The following CHCHD6 variants were observed in gnomAD, a reference collection of about 807,000 sequenced individuals.
CHCHD6 encodes coiled-coil-helix-coiled-coil-helix domain containing 6, also known as MICOS complex subunit MIC25.
CHCHD6 carries 28 observed loss-of-function variants against 32.3 expected under a neutral mutation model. The observed-to-expected ratio is 0.87, with a 90% CI of 0.64 to 1.19. The LOEUF is 1.19. Ranked by LOEUF, CHCHD6 falls within the 50% of genes most tolerant of loss-of-function variation. CHCHD6 has a pLI of 0.00. For synonymous variants in CHCHD6, 122 were observed against 117.5 expected (o/e 1.04, Z -0.25); for missense variants, 333 against 307.0 (o/e 1.08, Z -0.63).
At position 126,943,612 on chromosome 3, in the gene CHCHD6, C is replaced by T. The variant is rs998798876; in HGVS notation, c.567-13804C>T. Among the ~76,000 whole-genome samples, 9 of 152,222 alleles carry T rather than the reference C, an allele frequency of 5.9e-5. No homozygotes were observed. The South Asian group carries it at 1.0e-3, about 18-fold the overall frequency. On this transcript the variant is annotated intron_variant, in intron 6 of 7. Transcript: ENST00000290913. ...CCCTTTTTCTGGGTGACATGAGGTA[C>T]GGTGAGAGGTGAGTCCTGGAGGACC...
At chr3:126,750,703 G>A (rs1936687713) in intron 4 of CHCHD6, among the ~76,000 whole-genome samples, 1 of 152,238 alleles carries the variant, frequency 6.6e-6, no homozygotes, top group Non-Finnish European at 1.5e-5. Flanking sequence ...CTGTAAATGA[G>A]CAGACCCACC....
chr3:126,772,741 G>T (rs1247956992), intron 4 of CHCHD6, among the ~76,000 whole-genome samples: 1 of 152,140 alleles, frequency 6.6e-6, no homozygotes, highest in Non-Finnish European at 1.5e-5. Context: ...TTCAAGGTTA[G>T]TATTGATATG....
intron 4 of CHCHD6, among the ~76,000 whole-genome samples, chr3:126,804,398 A>C (rs997126632): frequency 2.2e-4 from 34 of 152,346 alleles, no homozygotes; most frequent in Non-Finnish European, 4.3e-4. Context: ...CCGATCCCAC[A>C]GAAATACAAA....
At chr3:126,715,749 T>C (rs1227981049) in intron 1 of CHCHD6, among the ~76,000 whole-genome samples, 1 of 152,184 alleles carries the variant, frequency 6.6e-6, no homozygotes, top group Non-Finnish European at 1.5e-5. Context: ...CCTGTTACTT[T>C]AGGAGTTTTT....
chr3:126,797,615 C>T (rs1425755827), intron 4 of CHCHD6, among the ~76,000 whole-genome samples: 1 of 152,122 alleles, frequency 6.6e-6, no homozygotes, highest in African/African-American at 2.4e-5. Flanking sequence ...ACAGTAGTGA[C>T]ACATGCTTTA....
chr3:126,821,147 G>A (rs1940130584), intron 4 of CHCHD6, among the ~76,000 whole-genome samples: 1 of 152,174 alleles, frequency 6.6e-6, no homozygotes, highest in Non-Finnish European at 1.5e-5. Context: ...ATTGTAGCAT[G>A]TATCAGTGCT....
At chr3:126,891,157 A>G (rs1406086988) in intron 5 of CHCHD6, among the ~76,000 whole-genome samples, 1 of 152,170 alleles carries the variant, frequency 6.6e-6, no homozygotes, top group Non-Finnish European at 1.5e-5. Context: ...GTGGAGACGT[A>G]TCAGGTGCCG....
intron 1 of CHCHD6, among the ~76,000 whole-genome samples, chr3:126,726,578 G>C (rs67337954): frequency 0.039 from 5,872 of 152,278 alleles, 161 homozygotes; most frequent in East Asian, 0.15. Flanking sequence ...TATCTGCAAA[G>C]TGGAATAAAG....
intron 6 of CHCHD6, among the ~76,000 whole-genome samples, chr3:126,938,158 G>A (rs1361014458): frequency 6.6e-6 from 1 of 152,208 alleles, no homozygotes; most frequent in Non-Finnish European, 1.5e-5. Flanking sequence ...ATTTCCATCA[G>A]GGAAATTGGC....
At chr3:126,945,739 A>G (rs2078627612) in intron 6 of CHCHD6, among the ~76,000 whole-genome samples, 1 of 77,176 alleles carries the variant, frequency 1.3e-5, no homozygotes. Flanking sequence ...ACATGGGGAG[A>G]CTCGGGGGGA....
intron 5 of CHCHD6, among the ~76,000 whole-genome samples, chr3:126,863,480 T>C (rs1440480733): frequency 4.3e-5 from 3 of 69,402 alleles, no homozygotes; most frequent in Admixed American, 1.6e-4. Context: ...TCCACCACCA[T>C]CACCACCTCC....
At chr3:126,747,555 C>A (rs1936555299) in intron 4 of CHCHD6, among the ~76,000 whole-genome samples, 2 of 152,218 alleles carry the variant, frequency 1.3e-5, no homozygotes, top group African/African-American at 4.8e-5. Context: ...GTTTCTCAGT[C>A]TTCCTACTAG....
intron 5 of CHCHD6, among the ~76,000 whole-genome samples, chr3:126,890,172 A>G (rs1198356648): frequency 1.3e-5 from 2 of 152,168 alleles, no homozygotes; most frequent in Non-Finnish European, 1.5e-5. Flanking sequence ...TGCGGCTGAG[A>G]GGAGTCTTGC....
intron 6 of CHCHD6, chr3:126,957,177 G>C: frequency 1.7e-6 from 1 of 580,360 alleles, no homozygotes; most frequent in South Asian, 2.0e-5. Context: ...ACCACAGCAT[G>C]TTTCAGTGTC....
chr3:126,855,524 T>G (rs1300361205), intron 5 of CHCHD6, among the ~76,000 whole-genome samples: 1 of 152,206 alleles, frequency 6.6e-6, no homozygotes, highest in East Asian at 1.9e-4. Flanking sequence ...TGGATGAGCA[T>G]GTGTGCATGC....
chr3:126,755,838 ATGTGTGTGTGTGTG>A (rs58430251), intron 4 of CHCHD6, among the ~76,000 whole-genome samples: 1 of 145,876 alleles, frequency 6.9e-6, no homozygotes, highest in Non-Finnish European at 1.5e-5. Flanking sequence ...CTGTGTGTGC[ATGTGTGTGTGTGTG>A]TGTGTGTGTG....
At chr3:126,774,436 A>C (rs911486887) in intron 4 of CHCHD6, among the ~76,000 whole-genome samples, 1 of 152,222 alleles carries the variant, frequency 6.6e-6, no homozygotes, top group African/African-American at 2.4e-5. Flanking sequence ...TACGATATCA[A>C]AACCAAAAAG....
At chr3:126,864,039 C>T (rs1325457786) in intron 5 of CHCHD6, among the ~76,000 whole-genome samples, 1 of 148,286 alleles carries the variant, frequency 6.7e-6, no homozygotes, top group Non-Finnish European at 1.5e-5. Context: ...CCATCACCAC[C>T]TCCTCCTCCT....
chr3:126,915,901 C>T (rs1364179763), intron 6 of CHCHD6, among the ~76,000 whole-genome samples: 1 of 152,128 alleles, frequency 6.6e-6, no homozygotes, highest in African/African-American at 2.4e-5. Flanking sequence ...GGTGATCCTC[C>T]TACCTCAGAC....
Sources: gnomAD v4.1 joint callset for allele counts (sites outside exome capture counted in the v4.1 genomes callset) on GRCh38, gnomAD v4.1.1 for gene constraint, MANE v1.5 for transcripts, NCBI Gene and HGNC (gene_info 2026-07-23, HGNC 2026-07-21) for gene names.